ETV5: variants seen among roughly 807,000 people sequenced by gnomAD.
The protein encoded by ETV5 is ETS translocation variant 5.
In ETV5, 10 loss-of-function variants were observed where a neutral mutation model predicts 70.0. That is an observed-to-expected ratio of 0.14 (90% confidence interval 0.09 to 0.24). ETV5 has a LOEUF of 0.24. ETV5 is among the 10% of genes least tolerant of loss of function. The pLI is 1.00. For synonymous variants in ETV5, 216 were observed against 242.2 expected, an observed-to-expected ratio of 0.89 and a Z score of 1.01; for missense variants, 453 against 651.2, an observed-to-expected ratio of 0.70 and a Z score of 3.31.
At chr3:186,084,194 A>G (rs1389614802) in intron 5 of ETV5, 1 of 453,276 alleles carries the variant, frequency 2.2e-6, no homozygotes, top group Admixed American at 2.4e-5. Context: ...TTGCTAAATG[A>G]TGACAGAGAC....
chr3:186,097,644 T>C (rs924672668), intron 5 of ETV5, among the ~76,000 whole-genome samples: 3 of 152,166 alleles, frequency 2.0e-5, no homozygotes, highest in Admixed American at 2.0e-4. Context: ...ACTGGCTTTG[T>C]GGGTCAGCGG....
Position 186,105,616 on chromosome 3 carries a change from C to CT in ETV5, c.133+8dup. ...GAAGCCACAACATAATCAGGGAAAG[C>CT]TTTACTACCTTCAGAATCGTGAGCC... On this transcript the variant is annotated intron_variant, in intron 3 of 12. Coordinates refer to ENST00000306376, the MANE Select transcript of ETV5 (RefSeq NM_004454.3). This position sits in a 1 kb window ranked among gnomAD's most constrained non-coding sequence, Gnocchi z 4.5. 1 of 1,614,184 alleles carries CT rather than the reference C, an allele frequency of 6.2e-7. No individual in the cohort carries two copies. The highest frequency in any genetic ancestry group is 8.5e-7 in the Non-Finnish European group (1 of 1,180,002).
chr3:186,058,495 T>C (rs889112709), intron 9 of ETV5, among the ~76,000 whole-genome samples: 1 of 152,100 alleles, frequency 6.6e-6, no homozygotes, highest in African/African-American at 2.4e-5. Flanking sequence ...ATACTACAGG[T>C]CTGTGTGTGT....
chr3:186,091,916 C>A (rs865787981), intron 5 of ETV5, among the ~76,000 whole-genome samples: 53 of 152,148 alleles, frequency 3.5e-4, no homozygotes, highest in Admixed American at 6.5e-5. Flanking sequence ...AAATTAGAGC[C>A]AAGTCTTGCC....
At chr3:186,078,234 T>C in intron 7 of ETV5, 1 of 1,030,790 alleles carries the variant, frequency 9.7e-7, no homozygotes, top group Non-Finnish European at 1.2e-6. Context: ...AAAACAAGGA[T>C]TGAGGGGGAA....
At position 186,057,774 on chromosome 3, in the gene ETV5, G is replaced by A. The variant is rs1197734187; in HGVS notation, c.971-283C>T. 6.6e-6 allele frequency among the ~76,000 whole-genome samples: 1 copy of A among 152,212 alleles called. No individual in the cohort carries two copies. Among genetic ancestry groups the A allele is most frequent in the Non-Finnish European group, 1.5e-5 (1 of 68,042 alleles). ...GTACGTTCCTTTGCATTTTGCTTCT[G>A]AGGTCTGCATGGATCAATGTTGCTC... On this transcript the variant is annotated intron_variant, in intron 9 of 12. Transcript: ENST00000306376. The surrounding 1 kb of genome is among the most constrained non-coding windows in gnomAD (Gnocchi z 4.9).
chr3:186,084,251 T>TGTTC, intron 5 of ETV5: 1 of 431,306 alleles, frequency 2.3e-6, no homozygotes. Context: ...AAAGGGATCA[T>TGTTC]GAACTCTTGA....
chr3:186,108,486 G>C (rs1240529288), intron 1 of ETV5: 3 of 1,280,090 alleles, frequency 2.3e-6, no homozygotes, highest in Admixed American at 4.6e-5. Flanking sequence ...CCGGTGCTCT[G>C]GGGGGCAGCG....
At chr3:186,055,205 C>A (rs113863723) in intron 11 of ETV5, among the ~76,000 whole-genome samples, 23 of 152,212 alleles carry the variant, frequency 1.5e-4, no homozygotes, top group African/African-American at 4.6e-4. Context: ...TGCTTAGGCC[C>A]GAGGCAGTGG....
chr3:186,053,205 G>A (rs747505613), intron 11 of ETV5, among the ~76,000 whole-genome samples: 3 of 152,104 alleles, frequency 2.0e-5, no homozygotes, highest in Non-Finnish European at 2.9e-5. Context: ...AGGCTCAAGC[G>A]ATTCTCCTGC....
In ETV5 at chr3:186,105,199, C is replaced by T; in HGVS notation, c.232+106G>A. ...ATTATTAGAAGAAACTAAATGCATA[C>T]TACTGTCTAAATCTGGCCATAGCTG... On this transcript the variant is annotated intron_variant, in intron 5 of 12. Coordinates refer to ENST00000306376, the MANE Select transcript of ETV5 (RefSeq NM_004454.3). This position sits in a 1 kb window ranked among gnomAD's most constrained non-coding sequence, Gnocchi z 4.5. The T allele has an allele frequency of 1.2e-5, 10 of 860,928 alleles. No individual in the cohort carries two copies. The Middle Eastern group carries it at 2.1e-3, about 183-fold the overall frequency. The allele number at this position is 860,928 out of a possible 1,614,324, so 53.3% of individuals were successfully genotyped here.
chr3:186,048,895 G>C, intron 12 of ETV5, 35 bp from the exon 13 acceptor site: 1 of 1,553,488 alleles, frequency 6.4e-7, no homozygotes, highest in Non-Finnish European at 8.9e-7. Context: ...GGGCCCAGTT[G>C]GAACAGGGCA....
At chr3:186,060,525 C>T (rs909092264) in intron 9 of ETV5, among the ~76,000 whole-genome samples, 1 of 152,182 alleles carries the variant, frequency 6.6e-6, no homozygotes, top group African/African-American at 2.4e-5. Flanking sequence ...AAACATTATG[C>T]AAGGACTCCA....
At chr3:186,079,215 C>A in intron 7 of ETV5, 1 of 452,738 alleles carries the variant, frequency 2.2e-6, no homozygotes, top group Non-Finnish European at 3.1e-6. Context: ...GTTCCCTTCA[C>A]ACACTTTTTT....
At position 186,057,913 on chromosome 3, in the gene ETV5, A is replaced by G. The variant is rs528369848; in HGVS notation, c.971-422T>C. Reference sequence around the variant, plus strand: ...TTCCTTTTAGCTAAAATTAATTTCAACCTTTCCTACTAACTCATCCAAGCT... The same window carrying G: ...TTCCTTTTAGCTAAAATTAATTTCAGCCTTTCCTACTAACTCATCCAAGCT... On this transcript the variant is annotated intron_variant, in intron 9 of 12. Transcript: ENST00000306376. The surrounding 1 kb of genome is among the most constrained non-coding windows in gnomAD (Gnocchi z 4.9). Among the ~76,000 whole-genome samples, 6 of 152,120 alleles carry G rather than the reference A, an allele frequency of 3.9e-5. No individual in the cohort carries two copies. The highest frequency in any genetic ancestry group is 7.2e-5 in the African/African-American group (3 of 41,416).
At chr3:186,055,915 C>A (rs1713151657) in intron 11 of ETV5, among the ~76,000 whole-genome samples, 1 of 152,124 alleles carries the variant, frequency 6.6e-6, no homozygotes, top group African/African-American at 2.4e-5. Flanking sequence ...CCAAAGATGC[C>A]TTTTGATCTG....
In ETV5 at chr3:186,057,389, T is replaced by C. The variant is rs376089326; in HGVS notation, c.1039+34A>G. 3.3e-5 allele frequency: 54 copies of C among 1,612,120 alleles called. No homozygotes were observed. In the African/African-American group the frequency reaches 6.4e-4, roughly 19 times the overall value. On this transcript the variant is annotated intron_variant, in intron 10 of 12. Coordinates refer to ENST00000306376, the MANE Select transcript of ETV5 (RefSeq NM_004454.3). This position sits in a 1 kb window ranked among gnomAD's most constrained non-coding sequence, Gnocchi z 4.9. ...AGGTGTTCTGACACCTCCAAACCTC[T>C]ACCTGGCAACAAACCTTGGATGGGG... is the stretch of plus-strand genomic sequence containing the variant.
chr3:186,094,974 T>C (rs1472865501), intron 5 of ETV5: 1 of 152,224 alleles, frequency 6.6e-6, no homozygotes, highest in Non-Finnish European at 1.5e-5. Context: ...GTTACTTTCA[T>C]GCTTAAGAGA....
chr3:186,077,433 T>G (rs974635111), intron 7 of ETV5, among the ~76,000 whole-genome samples: 5 of 152,240 alleles, frequency 3.3e-5, no homozygotes, highest in Admixed American at 6.5e-5. Flanking sequence ...TGTCTCATTT[T>G]CTGTGTACTA....
Sources: allele counts gnomAD v4.1 joint callset (sites outside exome capture counted in the v4.1 genomes callset), GRCh38; gene constraint gnomAD v4.1.1; non-coding constraint Gnocchi (gnomAD v3.1); transcripts MANE v1.5; gene names NCBI Gene and HGNC (gene_info 2026-07-23, HGNC 2026-07-21).